FRMD5: variants seen among roughly 807,000 people sequenced by gnomAD.
FRMD5 encodes the protein FERM domain-containing protein 5.
In FRMD5, 20 loss-of-function variants were observed where a neutral mutation model predicts 69.0. The ratio of observed to expected loss-of-function variants is 0.29; its 90% confidence interval spans 0.20 to 0.42. FRMD5 has a LOEUF of 0.42. Ranked by LOEUF, FRMD5 falls within the 10% of genes least tolerant of loss-of-function variation. The probability of loss-of-function intolerance (pLI) is 1.00; values close to 1 mark genes in which losing one functional copy is unlikely to be tolerated. For missense variants in FRMD5, 595 were observed against 708.6 expected (o/e 0.84, Z 1.82); for synonymous variants, 271 against 260.1 (o/e 1.04, Z -0.40).
At chr15:44,067,521 A>C (rs1034394887) in intron 1 of FRMD5, among the ~76,000 whole-genome samples, 1 of 152,164 alleles carries the variant, frequency 6.6e-6, no homozygotes, top group African/African-American at 2.4e-5. Flanking sequence ...TCCAAGATCA[A>C]GGCACCAGCA....
intron 1 of FRMD5, among the ~76,000 whole-genome samples, chr15:44,031,707 C>A (rs1043947852): frequency 6.6e-6 from 1 of 152,106 alleles, no homozygotes; most frequent in African/African-American, 2.4e-5. Context: ...AATGTTAACC[C>A]CTTTTGGTCC....
rs566056959 is a variant in FRMD5, at chr15:43,924,983, T to G, written c.103-674A>C. ...CAGTTCCTCTCCCTAGAAGCAACTG[T>G]TATCAGCTTCTTGTATATCCTTTTT... On this transcript the variant is annotated intron_variant, in intron 1 of 13. Transcript: ENST00000417257. Among the ~76,000 whole-genome samples, 3 of 152,100 alleles carry G rather than the reference T, an allele frequency of 2.0e-5. No individual in the cohort carries two copies. In the East Asian group the frequency reaches 5.8e-4, roughly 29 times the overall value.
chr15:44,162,889 A>C (rs1349120681), intron 1 of FRMD5, among the ~76,000 whole-genome samples: 1 of 130,242 alleles, frequency 7.7e-6, no homozygotes, highest in Non-Finnish European at 1.6e-5. Flanking sequence ...AAAAAAAAAA[A>C]CAAGGCTGGG....
At chr15:43,890,871 G>T (rs888363552) in intron 8 of FRMD5, among the ~76,000 whole-genome samples, 3 of 152,160 alleles carry the variant, frequency 2.0e-5, no homozygotes, top group Admixed American at 1.3e-4. Flanking sequence ...TGGAAAGGCG[G>T]TATCTGTCCT....
chr15:43,950,869 G>A (rs2090015787), intron 1 of FRMD5, among the ~76,000 whole-genome samples: 1 of 152,174 alleles, frequency 6.6e-6, no homozygotes, highest in Non-Finnish European at 1.5e-5. Context: ...TTTGATTACA[G>A]GCAAAGTGAC....
At chr15:44,046,329 A>C (rs942438361) in intron 1 of FRMD5, among the ~76,000 whole-genome samples, 2 of 152,246 alleles carry the variant, frequency 1.3e-5, no homozygotes, top group Non-Finnish European at 2.9e-5. Context: ...CCTCACAGCA[A>C]GAATGGAAGT....
At chr15:43,927,921 A>G (rs1312033723) in intron 1 of FRMD5, among the ~76,000 whole-genome samples, 1 of 152,156 alleles carries the variant, frequency 6.6e-6, no homozygotes, top group Non-Finnish European at 1.5e-5. Flanking sequence ...TGCCTTTCAT[A>G]AAACAACTCA....
upstream of FRMD5, among the ~76,000 whole-genome samples, chr15:44,198,097 C>T (rs1277515584): frequency 6.6e-6 from 1 of 152,016 alleles, no homozygotes; most frequent in Non-Finnish European, 1.5e-5. Flanking sequence ...ATCGCTTGAG[C>T]TCAGGATTTC....
chr15:44,037,593 A>G (rs1010060871), intron 1 of FRMD5, among the ~76,000 whole-genome samples: 4 of 149,102 alleles, frequency 2.7e-5, no homozygotes, highest in African/African-American at 9.9e-5. Context: ...TCAGCCTCCC[A>G]AGTAGCTGGG....
chr15:44,007,637 A>ATTTTTTTTTTTTTTTTTTTTTTT (rs35512441), intron 1 of FRMD5, among the ~76,000 whole-genome samples: 1 of 81,144 alleles, frequency 1.2e-5, no homozygotes, highest in Non-Finnish European at 2.2e-5. Flanking sequence ...TAATTAACTA[A>ATTTTTTTTTTTTTTTTTTTTTTT]TTTTTTTTTT....
At chr15:43,937,399 G>A (rs1448987643) in intron 1 of FRMD5, among the ~76,000 whole-genome samples, 2 of 152,172 alleles carry the variant, frequency 1.3e-5, no homozygotes, top group African/African-American at 4.8e-5. Context: ...TGTAATCCCA[G>A]CACTTTGGGA....
At chr15:43,959,098 C>T (rs1254577534) in intron 1 of FRMD5, among the ~76,000 whole-genome samples, 2 of 152,206 alleles carry the variant, frequency 1.3e-5, no homozygotes, top group African/African-American at 4.8e-5. Flanking sequence ...ATTCAAACAA[C>T]CTCTAGTGAA....
At chr15:44,197,123 C>T (rs947403781), upstream of FRMD5, among the ~76,000 whole-genome samples, 1 of 151,882 alleles carries the variant, frequency 6.6e-6, no homozygotes, top group African/African-American at 2.4e-5. Flanking sequence ...ATCGCTGGAA[C>T]CCGGGAGGTA....
chr15:44,165,412 A>G (rs1352433676), intron 1 of FRMD5, among the ~76,000 whole-genome samples: 3 of 152,088 alleles, frequency 2.0e-5, no homozygotes, highest in Non-Finnish European at 4.4e-5. Flanking sequence ...ACCGAGTGAG[A>G]CTCCATCTCA....
chr15:43,929,222 C>CAAGCAGT (rs1432458330), intron 1 of FRMD5, among the ~76,000 whole-genome samples: 2 of 152,132 alleles, frequency 1.3e-5, no homozygotes, highest in African/African-American at 2.4e-5. Context: ...ACTGAGGTAG[C>CAAGCAGT]AAGCAGTAAG....
At chr15:43,985,154 G>A (rs1260104816) in intron 1 of FRMD5, among the ~76,000 whole-genome samples, 1 of 150,892 alleles carries the variant, frequency 6.6e-6, no homozygotes, top group Admixed American at 6.6e-5. Flanking sequence ...GGTGGCAGGT[G>A]CCTGTAGTCC....
chr15:44,033,473 T>C (rs548954136), intron 1 of FRMD5, among the ~76,000 whole-genome samples: 5 of 152,256 alleles, frequency 3.3e-5, no homozygotes, highest in Admixed American at 6.5e-5. Flanking sequence ...TCCCAAATAA[T>C]AGTTTTTGTT....
chr15:44,098,985 CAT>C (rs1352377977), intron 1 of FRMD5, among the ~76,000 whole-genome samples: 2 of 152,162 alleles, frequency 1.3e-5, no homozygotes, highest in Non-Finnish European at 2.9e-5. Flanking sequence ...GGACAGCAGT[CAT>C]ATATCAAAAA....
chr15:44,195,811 C>T (rs567070013), upstream of FRMD5, among the ~76,000 whole-genome samples: 4 of 152,324 alleles, frequency 2.6e-5, no homozygotes, highest in Admixed American at 6.5e-5. Flanking sequence ...ACAGGAGCTA[C>T]TTAAATAAAA....
Sources: gnomAD v4.1 joint callset for allele counts (sites outside exome capture counted in the v4.1 genomes callset) on GRCh38, gnomAD v4.1.1 for gene constraint, MANE v1.5 for transcripts, NCBI Gene and HGNC (gene_info 2026-07-23, HGNC 2026-07-21) for gene names.